DPY19L2: variants seen among roughly 807,000 people sequenced by gnomAD.
DPY19L2 encodes dpy-19 like 2, also known as probable C-mannosyltransferase DPY19L2.
In DPY19L2, 34 loss-of-function variants were observed where a neutral mutation model predicts 97.9. The observed-to-expected ratio is 0.35, with a 90% CI of 0.26 to 0.46. DPY19L2 has a LOEUF of 0.46. Among genes scored for constraint, DPY19L2 ranks in the 20% least tolerant of loss-of-function variants. The probability of loss-of-function intolerance (pLI) is 1.00; values close to 1 mark genes in which losing one functional copy is unlikely to be tolerated. For synonymous variants in DPY19L2, 230 were observed against 307.9 expected (o/e 0.75, Z 2.65); for missense variants, 623 against 911.4 (o/e 0.68, Z 4.07).
intron 11 of DPY19L2, 80 bp downstream of exon 11, chr12:63,617,224 T>C: frequency 1.2e-6 from 1 of 806,184 alleles, no homozygotes; most frequent in Non-Finnish European, 2.0e-6. Flanking sequence ...GGCCTATTTA[T>C]TCTCTTATAC....
chr12:63,635,198 C>T (rs1309697657), intron 6 of DPY19L2, among the ~76,000 whole-genome samples: 1 of 152,148 alleles, frequency 6.6e-6, no homozygotes, highest in Non-Finnish European at 1.5e-5. Context: ...CAGCAAACTC[C>T]AACAGACCTG....
intron 6 of DPY19L2, among the ~76,000 whole-genome samples, chr12:63,633,472 A>G (rs1448952547): frequency 6.6e-6 from 1 of 152,230 alleles, no homozygotes; most frequent in East Asian, 1.9e-4. Flanking sequence ...AATGCTCATC[A>G]TCACTGGCCA....
rs527334215 is a variant in DPY19L2, at chr12:63,618,267, A to G, written c.1054-39T>C. The G allele has an allele frequency of 2.9e-5, 25 of 872,452 alleles. No homozygotes were observed. The African/African-American group carries it at 2.9e-4, about 10-fold the overall frequency. The allele number at this position is 872,452 out of a possible 1,614,324, so 54.0% of individuals were successfully genotyped here. ...AAAAAGCAAAAGTGAAAAAAAGTAT[A>G]GAAAACTAACACTTTACTATTCACA... On this transcript the variant is annotated intron_variant, in intron 9 of 21. Coordinates refer to ENST00000324472, the MANE Select transcript of DPY19L2 (RefSeq NM_173812.5).
At position 63,580,790 on chromosome 12, in the gene DPY19L2, A is replaced by G; in HGVS notation, c.1772T>C (p.Phe591Ser). ...FRRVRFEKVI[F>S]GILTVMSIQG... ...TATTGACATCACTGTTAAAATGCCA[A>G]AGATAACCTTCTCAAAACGAACTCT... The change falls in exon 19 of 22, where the codon TTT (phenylalanine) becomes TCT (serine). Residue 591 changes from phenylalanine to serine, a missense_variant. By Grantham distance (155) the Phe-to-Ser change is radical (BLOSUM62 -2). This residue lies in a region of DPY19L2 where 294 missense variants were observed against 446.2 expected (regional missense o/e 0.66). Coordinates refer to ENST00000324472, the MANE Select transcript of DPY19L2 (RefSeq NM_173812.5). The G allele has an allele frequency of 6.2e-7, 1 of 1,613,548 alleles. No individual in the cohort carries two copies.
At chr12:63,635,341 A>G (rs1256564327) in intron 6 of DPY19L2, among the ~76,000 whole-genome samples, 10 of 152,258 alleles carry the variant, frequency 6.6e-5, no homozygotes, top group Non-Finnish European at 1.0e-4. Flanking sequence ...GAAACCAGAG[A>G]AAAAAAGCTG....
In DPY19L2 at chr12:63,582,432, T is replaced by C; in HGVS notation, c.1699A>G (p.Met567Val). 2 of 1,613,314 alleles carry C rather than the reference T, an allele frequency of 1.2e-6. No individual in the cohort carries two copies. The highest frequency in any genetic ancestry group is 2.7e-5 in the African/African-American group (2 of 75,008). The part of the protein sequence containing the change: ...KMFLTPHMCV[M>V]ASLICSRQLF... The stretch of plus-strand genomic sequence containing the variant: ...TGTCGAGAGCATATCAAGGAAGCCA[T>C]AACACACATGTGCGGTGTCAAAAAC... The change falls in exon 18 of 22, where the codon ATG becomes GTG. Residue 567 changes from methionine (M) to valine (V), a missense_variant. This residue lies in a region of DPY19L2 where 294 missense variants were observed against 446.2 expected (regional missense o/e 0.66). Transcript: ENST00000324472.
At chr12:63,589,069 T>C (rs1882365968) in intron 16 of DPY19L2, among the ~76,000 whole-genome samples, 1 of 151,718 alleles carries the variant, frequency 6.6e-6, no homozygotes, top group Non-Finnish European at 1.5e-5. Flanking sequence ...ACTTTCTTAA[T>C]GAAATAAAGG....
At chr12:63,582,824 T>C (rs1245138517) in intron 17 of DPY19L2, among the ~76,000 whole-genome samples, 1 of 152,056 alleles carries the variant, frequency 6.6e-6, no homozygotes, top group Non-Finnish European at 1.5e-5. Context: ...TAGTCTACTG[T>C]AAGGCAATAA....
At chr12:63,563,774 A>G (rs1365333425) in intron 21 of DPY19L2, among the ~76,000 whole-genome samples, 1 of 152,180 alleles carries the variant, frequency 6.6e-6, no homozygotes, top group East Asian at 1.9e-4. Context: ...CTGACCTCAC[A>G]GAACCAGTTG....
chr12:63,596,645 G>C (rs984971836), intron 14 of DPY19L2, among the ~76,000 whole-genome samples: 3 of 152,142 alleles, frequency 2.0e-5, no homozygotes, highest in African/African-American at 7.2e-5. Context: ...GTTTTTGAAT[G>C]AATGGGATGA....
chr12:63,590,941 C>T (rs1176845088), intron 16 of DPY19L2: 14 of 398,406 alleles, frequency 3.5e-5, no homozygotes, highest in Middle Eastern at 1.1e-3. Flanking sequence ...TTGACCCCTC[C>T]GAGTCTGTCG....
intron 6 of DPY19L2, among the ~76,000 whole-genome samples, chr12:63,633,499 G>C (rs1252371): frequency 3.4e-4 from 52 of 152,170 alleles, no homozygotes; most frequent in African/African-American, 8.9e-4. Context: ...AACTGCAAAT[G>C]AAAACCACAA....
chr12:63,657,806 A>G (rs1472731152), intron 4 of DPY19L2, among the ~76,000 whole-genome samples: 1 of 152,128 alleles, frequency 6.6e-6, no homozygotes, highest in Non-Finnish European at 1.5e-5. Flanking sequence ...TCACCTTCAC[A>G]TTTCATACCA....
chr12:63,563,523 G>A (rs934100191), intron 21 of DPY19L2, among the ~76,000 whole-genome samples: 11 of 152,008 alleles, frequency 7.2e-5, no homozygotes, highest in Admixed American at 2.0e-4. Context: ...GCGATGATGC[G>A]GTCTTTCTTT....
intron 14 of DPY19L2, 22 bp from the exon 15 acceptor site, chr12:63,596,059 A>G: frequency 6.3e-7 from 1 of 1,579,322 alleles, no homozygotes; most frequent in Non-Finnish European, 8.6e-7. Context: ...CAAATTATTC[A>G]AAATGGTTAC....
intron 6 of DPY19L2, among the ~76,000 whole-genome samples, chr12:63,643,529 G>A (rs1044435069): frequency 1.3e-5 from 2 of 152,146 alleles, no homozygotes; most frequent in African/African-American, 4.8e-5. Flanking sequence ...AGCTAGGAAT[G>A]CGCTCCACTG....
At chr12:63,564,423 T>C (rs1877238295) in intron 21 of DPY19L2, among the ~76,000 whole-genome samples, 1 of 152,130 alleles carries the variant, frequency 6.6e-6, no homozygotes, top group South Asian at 2.1e-4. Flanking sequence ...AGCGGGATGG[T>C]GTTCTCATCT....
chr12:63,564,468 C>G (rs1021671655), intron 21 of DPY19L2, among the ~76,000 whole-genome samples: 11 of 152,062 alleles, frequency 7.2e-5, no homozygotes, highest in African/African-American at 2.4e-4. Flanking sequence ...ACTAACCCTC[C>G]TTTTGTTTCT....
intron 7 of DPY19L2, among the ~76,000 whole-genome samples, chr12:63,626,067 A>G (rs962989629): frequency 2.0e-5 from 3 of 147,726 alleles, no homozygotes; most frequent in Admixed American, 6.8e-5. Flanking sequence ...TTCATCATGT[A>G]GTAAATGTGG....
Sources: gnomAD v4.1 joint callset for allele counts (sites outside exome capture counted in the v4.1 genomes callset) on GRCh38, gnomAD v4.1.1 for gene constraint, gnomAD v4.1.1 regional missense constraint, MANE v1.5 for transcripts, NCBI Gene and HGNC (gene_info 2026-07-23, HGNC 2026-07-21) for gene names.